Variants in COL26A1 observed in about 807,000 individuals in gnomAD.
The protein encoded by COL26A1 is collagen alpha-1(XXVI) chain.
Under a neutral mutation model 59.3 loss-of-function variants are expected in COL26A1, and 41 were observed. The observed-to-expected ratio is 0.69, with a 90% CI of 0.54 to 0.90. COL26A1 has a LOEUF of 0.90. Among genes scored for constraint, COL26A1 ranks in the 40% least tolerant of loss-of-function variants. COL26A1 has a pLI of 0.00. For missense variants in COL26A1, 612 were observed against 602.3 expected (o/e 1.02, Z -0.17); for synonymous variants, 266 against 256.0 (o/e 1.04, Z -0.37).
intron 3 of COL26A1, among the ~76,000 whole-genome samples, chr7:101,513,516 T>C (rs1794968786): frequency 6.6e-6 from 1 of 151,706 alleles, no homozygotes; most frequent in Non-Finnish European, 1.5e-5. Flanking sequence ...TGTATTTTTG[T>C]ATTTTTTTAG....
intron 1 of COL26A1, among the ~76,000 whole-genome samples, chr7:101,378,336 C>A (rs913990945): frequency 6.6e-6 from 1 of 152,020 alleles, no homozygotes; most frequent in Non-Finnish European, 1.5e-5. Context: ...TTACTCAAAC[C>A]GCCCTCACAC....
rs142320709 is a variant in COL26A1, at chr7:101,490,499, C to T, written c.386-42583C>T. Among the ~76,000 whole-genome samples, 1,164 of 151,978 alleles carry T rather than the reference C, an allele frequency of 7.7e-3. 16 individuals are homozygous for T. The highest frequency in any genetic ancestry group is 0.027 in the African/African-American group (1,112 of 41,494). ...GGAGGATCACCTGAAGTCGGGAGTTCGAGACCAGCCTGACCAACATGGTGA... is the reference window on the plus strand; with the variant it reads ...GGAGGATCACCTGAAGTCGGGAGTTTGAGACCAGCCTGACCAACATGGTGA... On this transcript the variant is annotated intron_variant, in intron 3 of 12. Coordinates refer to ENST00000313669, the MANE Select transcript of COL26A1 (RefSeq NM_001278563.3).
At chr7:101,376,173 G>A (rs1384376459) in intron 1 of COL26A1, among the ~76,000 whole-genome samples, 2 of 151,092 alleles carry the variant, frequency 1.3e-5, no homozygotes, top group Admixed American at 6.6e-5. Context: ...CTAGCCAGGT[G>A]TGGTGTTGAA....
At chr7:101,437,253 C>T (rs908733770) in intron 2 of COL26A1, among the ~76,000 whole-genome samples, 1 of 151,974 alleles carries the variant, frequency 6.6e-6, no homozygotes, top group Non-Finnish European at 1.5e-5. Context: ...TGGAAGGGAC[C>T]GAGTGTGGGC....
chr7:101,514,270 A>G (rs1261137541), intron 3 of COL26A1, among the ~76,000 whole-genome samples: 1 of 152,088 alleles, frequency 6.6e-6, no homozygotes, highest in Non-Finnish European at 1.5e-5. Context: ...CCCAGGAGGC[A>G]GAGGCTGCAG....
chr7:101,543,182 T>C (rs1175058431), intron 5 of COL26A1, among the ~76,000 whole-genome samples: 3 of 151,922 alleles, frequency 2.0e-5, no homozygotes, highest in Non-Finnish European at 4.4e-5. Context: ...AACTTTTTTT[T>C]TTTTTCTGAG....
At chr7:101,452,811 C>T (rs1404329291) in intron 3 of COL26A1, among the ~76,000 whole-genome samples, 1 of 151,896 alleles carries the variant, frequency 6.6e-6, no homozygotes, top group Non-Finnish European at 1.5e-5. Flanking sequence ...GTCAGCCAGG[C>T]TGAAGTGCAG....
intron 4 of COL26A1, among the ~76,000 whole-genome samples, chr7:101,536,432 C>A (rs754465577): frequency 6.6e-6 from 1 of 152,196 alleles, no homozygotes; most frequent in South Asian, 2.1e-4. Context: ...GAGGCCATGC[C>A]GAGGTCAGGC....
At chr7:101,529,719 C>G (rs1183664437) in intron 3 of COL26A1, among the ~76,000 whole-genome samples, 4 of 152,204 alleles carry the variant, frequency 2.6e-5, no homozygotes, top group Non-Finnish European at 5.9e-5. Flanking sequence ...GAATGACAAC[C>G]TCCAGCTGCG....
At chr7:101,432,657 C>T (rs763803247) in intron 2 of COL26A1, among the ~76,000 whole-genome samples, 45 of 152,112 alleles carry the variant, frequency 3.0e-4, no homozygotes, top group Admixed American at 1.5e-3. Flanking sequence ...CAGATTATAT[C>T]TCAGAGATCC....
At chr7:101,496,634 C>A (rs1794591522) in intron 3 of COL26A1, among the ~76,000 whole-genome samples, 1 of 152,124 alleles carries the variant, frequency 6.6e-6, no homozygotes, top group African/African-American at 2.4e-5. Context: ...GGTGGCTCAC[C>A]CCTGTAATTG....
At chr7:101,504,893 C>T (rs111875036) in intron 3 of COL26A1, among the ~76,000 whole-genome samples, 9,645 of 152,100 alleles carry the variant, frequency 0.063, 400 homozygotes, top group Non-Finnish European at 0.095. Context: ...CGGTGGCTCA[C>T]GCCTGTAATC....
chr7:101,366,474 ATTTTTTTTTTTTTTTT>A (rs869149636), intron 1 of COL26A1, among the ~76,000 whole-genome samples: 23 of 76,224 alleles, frequency 3.0e-4, no homozygotes, highest in Non-Finnish European at 3.8e-4. Flanking sequence ...TTAACGTCTG[ATTTTTTTTTTTTTTTT>A]TTTTTTTTTT....
At chr7:101,401,150 A>G (rs1791987097) in intron 1 of COL26A1, among the ~76,000 whole-genome samples, 1 of 152,166 alleles carries the variant, frequency 6.6e-6, no homozygotes, top group South Asian at 2.1e-4. Flanking sequence ...ACCTGCCTGG[A>G]GAAGGCATAG....
At chr7:101,434,829 A>G (rs902582618) in intron 2 of COL26A1, among the ~76,000 whole-genome samples, 1 of 152,202 alleles carries the variant, frequency 6.6e-6, no homozygotes, top group Admixed American at 6.5e-5. Context: ...TTGTCTGAGC[A>G]GTGAAGGGCC....
intron 2 of COL26A1, among the ~76,000 whole-genome samples, chr7:101,435,757 C>T (rs57928727): frequency 0.012 from 1,874 of 152,288 alleles, 46 homozygotes; most frequent in African/African-American, 0.043. Flanking sequence ...CGGGCTTCCC[C>T]TGCCCTTGGC....
chr7:101,437,660 A>G (rs1482153137), intron 2 of COL26A1, among the ~76,000 whole-genome samples: 1 of 151,884 alleles, frequency 6.6e-6, no homozygotes, highest in Admixed American at 6.6e-5. Flanking sequence ...CTGCAAGCTC[A>G]AACTCCTGGA....
intron 3 of COL26A1, among the ~76,000 whole-genome samples, chr7:101,482,103 GCCTCCCGGGTTTAAGCAGTTCT>G (rs1563003222): frequency 6.6e-6 from 1 of 151,106 alleles, no homozygotes; most frequent in Non-Finnish European, 1.5e-5. Flanking sequence ...TGCAACCTCT[GCCTCCCGGGTTTAAGCAGTTCT>G]CCTCCCGAGT....
chr7:101,553,162 C>T (rs1483345937), intron 10 of COL26A1, 164 bp from the exon 11 acceptor site: 4 of 600,986 alleles, frequency 6.7e-6, no homozygotes, highest in Non-Finnish European at 1.2e-5. Context: ...GCCTCCCCTG[C>T]TGTGCTCAGC....
Sources: gnomAD v4.1 joint callset for allele counts (sites outside exome capture counted in the v4.1 genomes callset) on GRCh38, gnomAD v4.1.1 for gene constraint, MANE v1.5 for transcripts, NCBI Gene and HGNC (gene_info 2026-07-23, HGNC 2026-07-21) for gene names.